Variants in CEP295NL observed in about 807,000 individuals in gnomAD.
The protein encoded by CEP295NL is CEP295 N-terminal like.
A neutral mutation model predicts 4.6 loss-of-function variants in CEP295NL; 3 were observed. The observed-to-expected ratio is 0.65, with a 90% confidence interval of 0.30 to 1.69. The LOEUF is 1.69. Among genes scored for constraint, CEP295NL ranks in the 40% most tolerant of loss-of-function variants. CEP295NL has a pLI of 0.10. For missense variants in CEP295NL, 719 were observed against 769.0 expected, an observed-to-expected ratio of 0.93 and a Z score of 0.77; for synonymous variants, 295 against 312.2, an observed-to-expected ratio of 0.94 and a Z score of 0.58.
rs997475481 is a variant in CEP295NL at position 78,890,608 on chromosome 17, A to G, written c.*30T>C. 1 of 1,538,238 alleles carries G rather than the reference A, an allele frequency of 6.5e-7. No individual in the cohort carries two copies. The highest frequency in any genetic ancestry group is 1.4e-5 in the African/African-American group (1 of 72,774). On this transcript the variant is annotated 3_prime_UTR_variant, in exon 3 of 3. Transcript: ENST00000322630. Reference sequence around the variant, plus strand: ...AGTGCTGGCAGCACCATTATCAGTGATGTATTTACCCCGGGTGGGCCTCTC... The same window carrying G: ...AGTGCTGGCAGCACCATTATCAGTGGTGTATTTACCCCGGGTGGGCCTCTC...
In CEP295NL at chr17:78,896,219, G is replaced by A. The variant is rs968769547; in HGVS notation, c.45-3760C>T. On this transcript the variant is annotated intron_variant, in intron 2 of 2. Transcript: ENST00000322630. The surrounding 1 kb of genome is among the most constrained non-coding windows in gnomAD (Gnocchi z 4.4). ...ACTTACTAACTTGAGGCAGAGGGCAGGGTCTCACGTGGACTTGTGCAGGCA... is the reference window on the plus strand; with the variant it reads ...ACTTACTAACTTGAGGCAGAGGGCAAGGTCTCACGTGGACTTGTGCAGGCA... Among the ~76,000 whole-genome samples the A allele has an allele frequency of 2.0e-5, 3 of 152,212 alleles. No individual in the cohort carries two copies. The highest frequency in any genetic ancestry group is 4.4e-5 in the Non-Finnish European group (3 of 68,032).
intron 2 of CEP295NL, 181 bp from the exon 3 acceptor site, chr17:78,892,640 A>G (rs1389670445): frequency 1.1e-6 from 1 of 901,234 alleles, no homozygotes; most frequent in East Asian, 2.7e-5. Context: ...TGTCCTGTAC[A>G]CTTTTGACAA....
chr17:78,896,430 C>A lies in CEP295NL; in HGVS notation c.45-3971G>T, dbSNP rs2070000809. On this transcript the variant is annotated intron_variant, in intron 2 of 2. Coordinates refer to ENST00000322630, the MANE Select transcript of CEP295NL (RefSeq NM_001243540.2). The surrounding 1 kb of genome is among the most constrained non-coding windows in gnomAD (Gnocchi z 4.4). ...TCGGGTGCCCTTGGCAGGACACTTG[C>A]CAATGAAGACAGCCATGGTTCCAAT... 6.6e-6 allele frequency among the ~76,000 whole-genome samples: 1 copy of A among 152,180 alleles called. No individual in the cohort carries two copies. Among genetic ancestry groups the A allele is most frequent in the Admixed American group, 6.5e-5 (1 of 15,286 alleles).
rs2070008640 is a variant in CEP295NL, at chr17:78,896,814, T to C, written c.45-4355A>G. 1.7e-6 allele frequency: 1 copy of C among 580,692 alleles called. No individual in the cohort carries two copies. The highest frequency in any genetic ancestry group is 7.5e-5 in the South Asian group (1 of 13,352). The allele number at this position is 580,692 out of a possible 1,614,324, so 36.0% of individuals were successfully genotyped here. On this transcript the variant is annotated intron_variant, in intron 2 of 2. Transcript: ENST00000322630. The surrounding 1 kb of genome is among the most constrained non-coding windows in gnomAD (Gnocchi z 4.4). Reference sequence around the variant, plus strand: ...TGGACACTGGGCCCATTCTCCTCTCTTGCTCTCTACAGCCCCGTGGCCCCA... The same window carrying C: ...TGGACACTGGGCCCATTCTCCTCTCCTGCTCTCTACAGCCCCGTGGCCCCA...
Position 78,892,648 on chromosome 17 carries a change from C to T in CEP295NL, c.45-189G>A, listed in dbSNP as rs984645616. Reference sequence around the variant, plus strand: ...CAATTTCTGTCCTGTACACTTTTGACAAGAGCCTGTAGGGCAGCTGTTTTG... The same window carrying T: ...CAATTTCTGTCCTGTACACTTTTGATAAGAGCCTGTAGGGCAGCTGTTTTG... On this transcript the variant is annotated intron_variant, in intron 2 of 2. Transcript: ENST00000322630. 6.7e-5 allele frequency: 56 copies of T among 834,598 alleles called. 2 individuals carry two copies. The highest frequency in any genetic ancestry group is 9.4e-5 in the Non-Finnish European group (52 of 552,854). 51.7% of individuals were successfully genotyped at this position (834,598 alleles called of 1,614,324 possible). A position where few individuals can be genotyped will look rare whatever the true frequency, so the allele number is the denominator to read the frequency against.
At chr17:78,894,347 G>C (rs2069964993) in intron 2 of CEP295NL, among the ~76,000 whole-genome samples, 1 of 151,966 alleles carries the variant, frequency 6.6e-6, no homozygotes, top group African/African-American at 2.4e-5. Context: ...ACTGCAGCTG[G>C]CTTTGACTTA....
chr17:78,895,112 C>T (rs1349452388), intron 2 of CEP295NL, among the ~76,000 whole-genome samples: 2 of 152,064 alleles, frequency 1.3e-5, no homozygotes, highest in Admixed American at 6.5e-5. Flanking sequence ...GAAACCCCGT[C>T]TCTACTAAAA....
intron 2 of CEP295NL, among the ~76,000 whole-genome samples, chr17:78,901,526 C>G (rs527892837): frequency 2.0e-5 from 3 of 152,032 alleles, no homozygotes; most frequent in Non-Finnish European, 4.4e-5. Context: ...GAGGGGCCCA[C>G]TGACCAAAGG....
In CEP295NL at chr17:78,891,882, T is replaced by C; in HGVS notation, c.622A>G (p.Lys208Glu). The change falls in exon 3 of 3, where the codon AAA becomes GAA. Residue 208 changes from lysine (K) to glutamate (E), a missense_variant. Lys to Glu is a moderately conservative substitution (Grantham distance 56, BLOSUM62 1). Transcript: ENST00000322630. The surrounding 1 kb of genome is among the most constrained non-coding windows in gnomAD (Gnocchi z 4.5). ...AASPEKPQTT[K>E]ATGRMNSHLA... is the part of the protein sequence containing the mutation. ...TGAGAATTCATCCGACCCGTGGCTT[T>C]TGTAGTCTGTGGTTTCTCTGGACTC... is the stretch of plus-strand genomic sequence containing the variant. The C allele has an allele frequency of 1.3e-6, 2 of 1,550,654 alleles. No individual in the cohort carries two copies. Among genetic ancestry groups the C allele is most frequent in the Admixed American group, 2.0e-5 (1 of 51,006 alleles).
At chr17:78,893,009 G>A (rs753043045) in intron 2 of CEP295NL, among the ~76,000 whole-genome samples, 26 of 152,176 alleles carry the variant, frequency 1.7e-4, no homozygotes, top group Non-Finnish European at 3.2e-4. Flanking sequence ...AGAATTGATC[G>A]TAAAGGAAAG....
rs534135420 is a variant in CEP295NL, at chr17:78,892,615, C to T, written c.45-156G>A. Reference sequence around the variant, plus strand: ...ACCCGTGCCCACCAGGGCCCACTCTCAGCCTCCCAATTTCTGTCCTGTACA... The same window carrying T: ...ACCCGTGCCCACCAGGGCCCACTCTTAGCCTCCCAATTTCTGTCCTGTACA... On this transcript the variant is annotated intron_variant, in intron 2 of 2. Coordinates refer to ENST00000322630, the MANE Select transcript of CEP295NL (RefSeq NM_001243540.2). 684 of 1,149,526 alleles carry T rather than the reference C, an allele frequency of 6.0e-4. 1 individual carries two copies. The highest frequency in any genetic ancestry group is 7.5e-4 in the Non-Finnish European group (626 of 831,638). 71.2% of individuals were successfully genotyped at this position (1,149,526 alleles called of 1,614,324 possible). A position where few individuals can be genotyped will look rare whatever the true frequency, so the allele number is the denominator to read the frequency against.
Position 78,892,380 on chromosome 17 carries a change from G to A in CEP295NL, c.124C>T (p.His42Tyr). The change falls in exon 3 of 3, where the codon CAC becomes TAC. Residue 42 changes from histidine to tyrosine, a missense_variant. Transcript: ENST00000322630. ...PLEPSTLGSK[H>Y]LPWEAVSAGF... ...GCAGATACAGCTTCCCAGGGAAGGT[G>A]CTTGGAGCCAAGAGTGGAGGGTTCA... 6 of 1,550,642 alleles carry A rather than the reference G, an allele frequency of 3.9e-6. No individual in the cohort carries two copies. The highest frequency in any genetic ancestry group is 5.2e-6 in the Non-Finnish European group (6 of 1,147,022).
rs1032457289 is a variant in CEP295NL at position 78,892,518 on chromosome 17, G to A, written c.45-59C>T. On this transcript the variant is annotated intron_variant, in intron 2 of 2. Coordinates refer to ENST00000322630, the MANE Select transcript of CEP295NL (RefSeq NM_001243540.2). The stretch of plus-strand genomic sequence containing the variant: ...GATCGCTCCCAGGAGAGTGAGCAAA[G>A]CCCTGGAGACAAGCACACGGGATTC... 1.1e-5 allele frequency: 17 copies of A among 1,485,180 alleles called. No individual in the cohort carries two copies. The Admixed American group carries it at 1.4e-4, about 13-fold the overall frequency. 92.0% of individuals were successfully genotyped at this position (1,485,180 alleles called of 1,614,324 possible).
chr17:78,901,936 T>A lies in CEP295NL; in HGVS notation c.-98-10A>T. 1.6e-6 allele frequency: 1 copy of A among 608,784 alleles called. No individual in the cohort carries two copies. The highest frequency in any genetic ancestry group is 2.8e-5 in the East Asian group (1 of 35,140). The allele number at this position is 608,784 out of a possible 1,614,324, so 37.7% of individuals were successfully genotyped here. ...AGTGAGACGCCCATCACTGGAGGCA[T>A]CCGAACCAAGCCCAGATAAAACAAA... On this transcript the variant is annotated splice_polypyrimidine_tract_variant and intron_variant, in intron 1 of 2. Transcript: ENST00000322630.
At chr17:78,902,335 T>C (rs989709668) in intron 1 of CEP295NL, among the ~76,000 whole-genome samples, 2 of 152,238 alleles carry the variant, frequency 1.3e-5, no homozygotes, top group Non-Finnish European at 2.9e-5. Context: ...TACAAACTCC[T>C]GACCTCAGGT....
chr17:78,892,255 T>C lies in CEP295NL; in HGVS notation c.249A>G (p.Leu83=). 6.4e-7 allele frequency: 1 copy of C among 1,550,904 alleles called. No homozygotes were observed. Among genetic ancestry groups the C allele is most frequent in the Admixed American group, 2.0e-5 (1 of 51,010 alleles). The change falls in exon 3 of 3, where the codon CTA becomes CTG. Residue 83 remains leucine (L), a synonymous_variant. Transcript: ENST00000322630. ...DLLWRKKHKL[L]QARGKGDLAL... ...CGAGATCGCCTTTGCCCCGGGCTTG[T>C]AGCAATTTGTGCTTTTTCCTCCAAA...
Position 78,890,783 on chromosome 17 carries a change from G to T in CEP295NL, c.1721C>A (p.Pro574Gln), listed in dbSNP as rs909415275. The T allele has an allele frequency of 9.0e-6, 14 of 1,550,498 alleles. No homozygotes were observed. Among genetic ancestry groups the T allele is most frequent in the Non-Finnish European group, 1.1e-5 (13 of 1,147,012 alleles). Reference protein sequence around the residue: ...ERGSELSTTSPSGTSLADDDR... With the variant: ...ERGSELSTTSQSGTSLADDDR... ...GTCGTCGGCGAGGCTGGTGCCCGAT[G>T]GGGAAGTGGTGCTGAGCTCAGATCC... The change falls in exon 3 of 3, where the codon CCA becomes CAA. Residue 574 changes from proline (P) to glutamine (Q), a missense_variant. Pro to Gln is a moderately conservative substitution (Grantham distance 76). Coordinates refer to ENST00000322630, the MANE Select transcript of CEP295NL (RefSeq NM_001243540.2).
chr17:78,901,453 T>G (rs1334509755), intron 2 of CEP295NL, among the ~76,000 whole-genome samples: 1 of 151,310 alleles, frequency 6.6e-6, no homozygotes, highest in African/African-American at 2.4e-5. Flanking sequence ...AGGAGGGCGG[T>G]AAGGACGGGG....
intron 1 of CEP295NL, among the ~76,000 whole-genome samples, 188 bp downstream of exon 1, chr17:78,902,946 C>G (rs1376625983): frequency 6.6e-6 from 1 of 152,200 alleles, no homozygotes; most frequent in Non-Finnish European, 1.5e-5. Flanking sequence ...TGTGGGGAGC[C>G]CCGTGGTGCA....
Sources: gnomAD v4.1 joint callset for allele counts (sites outside exome capture counted in the v4.1 genomes callset) on GRCh38, gnomAD v4.1.1 for gene constraint, Gnocchi (gnomAD v3.1) non-coding constraint, MANE v1.5 for transcripts, NCBI Gene and HGNC (gene_info 2026-07-23, HGNC 2026-07-21) for gene names.